KITLG: variants seen among roughly 807,000 people sequenced by gnomAD.
The protein encoded by KITLG is c-Kit ligand.
In KITLG, 13 loss-of-function variants were observed where a neutral mutation model predicts 34.1. That is an observed-to-expected ratio of 0.38 (90% CI 0.25 to 0.61). KITLG has a LOEUF of 0.61. Ranked by LOEUF, KITLG falls within the 20% of genes least tolerant of loss-of-function variation. KITLG has a pLI of 0.60. For synonymous variants in KITLG, 110 were observed against 104.0 expected, an observed-to-expected ratio of 1.06 and a Z score of -0.35; for missense variants, 292 against 318.9, an observed-to-expected ratio of 0.92 and a Z score of 0.64.
intron 3 of KITLG, among the ~76,000 whole-genome samples, chr12:88,531,114 GAT>G (rs1870067006): frequency 6.6e-6 from 1 of 152,182 alleles, no homozygotes; most frequent in Non-Finnish European, 1.5e-5. Context: ...CATGTTGAAA[GAT>G]ATAAGCGAAC....
At chr12:88,542,641 CAT>C (rs1040264875) in intron 2 of KITLG, among the ~76,000 whole-genome samples, 6 of 152,100 alleles carry the variant, frequency 3.9e-5, no homozygotes, top group African/African-American at 1.4e-4. Context: ...CACACACACA[CAT>C]GCACACACAC....
chr12:88,542,239 A>G (rs1310465192), intron 2 of KITLG, among the ~76,000 whole-genome samples: 3 of 152,160 alleles, frequency 2.0e-5, no homozygotes, highest in Non-Finnish European at 4.4e-5. Flanking sequence ...TCTCTGAGAA[A>G]TGATAAAAGC....
intron 2 of KITLG, chr12:88,534,558 G>A (rs1024005995): frequency 3.6e-5 from 14 of 392,298 alleles, no homozygotes; most frequent in African/African-American, 2.9e-4. Context: ...GCAGAGACGG[G>A]GTTTTGCTAT....
intron 1 of KITLG, among the ~76,000 whole-genome samples, chr12:88,577,066 T>G (rs1005479450): frequency 4.6e-5 from 7 of 152,276 alleles, no homozygotes; most frequent in African/African-American, 1.4e-4. Flanking sequence ...TGGCAGAATG[T>G]ATCAATTAAA....
At chr12:88,561,472 T>G (rs1231670445) in intron 1 of KITLG, among the ~76,000 whole-genome samples, 2 of 152,200 alleles carry the variant, frequency 1.3e-5, no homozygotes, top group East Asian at 3.9e-4. Flanking sequence ...CATTTCATCT[T>G]GTACAACTTT....
At chr12:88,525,572 GTTA>G (rs72187069) in intron 3 of KITLG, among the ~76,000 whole-genome samples, 12,829 of 152,078 alleles carry the variant, frequency 0.084, 565 homozygotes, top group Non-Finnish European at 0.1. Flanking sequence ...GGTATCTGAT[GTTA>G]TTATATGCAC....
At position 88,514,353 on chromosome 12, in the gene KITLG, A is replaced by T. The variant is rs376370754; in HGVS notation, c.604+1181T>A. Among the ~76,000 whole-genome samples the T allele has an allele frequency of 1.4e-4, 22 of 151,852 alleles. No individual in the cohort carries two copies. The South Asian group carries it at 4.4e-3, about 30-fold the overall frequency. ...CAATGAAATATAAGCAGAGAATTTAAGAAGACAAAAGTTGCTCCTTTGAAA... is the reference window on the plus strand; with the variant it reads ...CAATGAAATATAAGCAGAGAATTTATGAAGACAAAAGTTGCTCCTTTGAAA... On this transcript the variant is annotated intron_variant, in intron 6 of 9. Transcript: ENST00000644744.
rs1195736814 is a variant in KITLG, at chr12:88,494,469, T to A, written c.*2750A>T. 6.6e-6 allele frequency: 1 copy of A among 152,310 alleles called. No individual in the cohort carries two copies. The highest frequency in any genetic ancestry group is 1.5e-5 in the Non-Finnish European group (1 of 67,874). 9.4% of individuals were successfully genotyped at this position (152,310 alleles called of 1,614,324 possible). On this transcript the variant is annotated 3_prime_UTR_variant, in exon 10 of 10. Transcript: ENST00000644744. ...CAATACTTCATTAGGTATGCATATT[T>A]TTTCATAATTTTCTTTTCACATACT...
At chr12:88,511,648 T>G (rs1306998179) in intron 6 of KITLG, among the ~76,000 whole-genome samples, 3 of 151,906 alleles carry the variant, frequency 2.0e-5, no homozygotes, top group Non-Finnish European at 2.9e-5. Flanking sequence ...TCACAAAACC[T>G]GACCAAAAAA....
At chr12:88,503,664 C>A (rs1047336441) in intron 9 of KITLG, among the ~76,000 whole-genome samples, 1 of 152,092 alleles carries the variant, frequency 6.6e-6, no homozygotes, top group South Asian at 2.1e-4. Context: ...AGAAAGCAGA[C>A]GGGACAGGAG....
chr12:88,548,089 T>C lies in KITLG; in HGVS notation c.16-2224A>G, dbSNP rs371304417. Reference sequence around the variant, plus strand: ...GGGTTCAGAGTGACAATCACAGTCATGAGTCACCATGTGTACTGCTTTGCC... The same window carrying C: ...GGGTTCAGAGTGACAATCACAGTCACGAGTCACCATGTGTACTGCTTTGCC... On this transcript the variant is annotated intron_variant, in intron 1 of 9. Transcript: ENST00000644744. Among the ~76,000 whole-genome samples the C allele has an allele frequency of 2.0e-5, 3 of 152,292 alleles. No individual in the cohort carries two copies. In the East Asian group the frequency reaches 5.8e-4, roughly 29 times the overall value.
intron 2 of KITLG, among the ~76,000 whole-genome samples, chr12:88,540,791 C>A (rs1231306775): frequency 1.3e-5 from 2 of 151,946 alleles, no homozygotes; most frequent in African/African-American, 4.8e-5. Context: ...TTCTAATAGT[C>A]CTTTTTTTAA....
chr12:88,509,063 G>A (rs777596562), intron 6 of KITLG, among the ~76,000 whole-genome samples: 5 of 152,124 alleles, frequency 3.3e-5, no homozygotes, highest in Non-Finnish European at 5.9e-5. Flanking sequence ...GGGATTGCTG[G>A]TATGTAATTA....
intron 9 of KITLG, among the ~76,000 whole-genome samples, chr12:88,500,640 C>T (rs1193386772): frequency 1.3e-5 from 2 of 152,172 alleles, no homozygotes; most frequent in African/African-American, 2.4e-5. Context: ...TTAATCTTTG[C>T]TATCCACAAC....
chr12:88,550,291 A>G (rs1566031252), intron 1 of KITLG, among the ~76,000 whole-genome samples: 1 of 152,224 alleles, frequency 6.6e-6, no homozygotes, highest in African/African-American at 2.4e-5. Flanking sequence ...GAATGAGTGT[A>G]TGCCTATGGG....
At chr12:88,523,666 T>C (rs1869760104) in intron 3 of KITLG, among the ~76,000 whole-genome samples, 1 of 152,202 alleles carries the variant, frequency 6.6e-6, no homozygotes, top group African/African-American at 2.4e-5. Context: ...CATTCTACTC[T>C]CAAACATTCC....
chr12:88,570,768 G>C (rs1871623163), intron 1 of KITLG, among the ~76,000 whole-genome samples: 1 of 152,070 alleles, frequency 6.6e-6, no homozygotes, highest in Non-Finnish European at 1.5e-5. Context: ...AAAAAATGAT[G>C]CCAAATAATA....
intron 2 of KITLG, among the ~76,000 whole-genome samples, chr12:88,538,771 A>C (rs181052137): frequency 6.6e-6 from 1 of 152,168 alleles, no homozygotes; most frequent in Non-Finnish European, 1.5e-5. Flanking sequence ...ATGGCAAAAA[A>C]AAATTAATTG....
chr12:88,550,598 T>C (rs1355582389), intron 1 of KITLG, among the ~76,000 whole-genome samples: 1 of 152,208 alleles, frequency 6.6e-6, no homozygotes, highest in Non-Finnish European at 1.5e-5. Context: ...TATATCCTAA[T>C]TTTAAAGATG....
Sources: gnomAD v4.1 joint callset for allele counts (sites outside exome capture counted in the v4.1 genomes callset) on GRCh38, gnomAD v4.1.1 for gene constraint, MANE v1.5 for transcripts, NCBI Gene and HGNC (gene_info 2026-07-23, HGNC 2026-07-21) for gene names.